Variants in GTF2E2 observed in about 807,000 individuals in gnomAD.
GTF2E2 encodes transcription initiation factor IIE subunit beta.
Under a neutral mutation model 40.5 loss-of-function variants are expected in GTF2E2, and 21 were observed. The ratio of observed to expected loss-of-function variants is 0.52; its 90% CI spans 0.37 to 0.75. GTF2E2 has a LOEUF of 0.75. GTF2E2 is among the 30% of genes least tolerant of loss of function. The probability of loss-of-function intolerance (pLI) is 0.00; values close to 1 mark genes in which losing one functional copy is unlikely to be tolerated. For missense variants in GTF2E2, 298 were observed against 338.4 expected, an observed-to-expected ratio of 0.88 and a Z score of 0.94; for synonymous variants, 117 against 121.6, an observed-to-expected ratio of 0.96 and a Z score of 0.25.
chr8:30,580,556 C>T lies in GTF2E2; in HGVS notation c.644-160G>A, dbSNP rs145220998. Among the ~76,000 whole-genome samples, 728 of 152,262 alleles carry T rather than the reference C, an allele frequency of 4.8e-3. 5 individuals are homozygous for T. Among genetic ancestry groups the T allele is most frequent in the African/African-American group, 0.016 (675 of 41,560 alleles). The stretch of plus-strand genomic sequence containing the variant: ...GGGCAGAACATCCACATGTGGGACA[C>T]GGTGCAGGGAAAGGCCTGGAGACAG... On this transcript the variant is annotated intron_variant, in intron 6 of 7. Coordinates refer to ENST00000355904, the MANE Select transcript of GTF2E2 (RefSeq NM_002095.6).
In GTF2E2 at chr8:30,656,208, A is replaced by G. The variant is rs543320115; in HGVS notation, c.-5+1765T>C. ...AATGAGGACGCTATGAAAGCTGTCC[A>G]CATCCAGCCCAATTGTAAGAATGAG... On this transcript the variant is annotated intron_variant, in intron 1 of 7. Coordinates refer to ENST00000355904, the MANE Select transcript of GTF2E2 (RefSeq NM_002095.6). Among the ~76,000 whole-genome samples the G allele has an allele frequency of 3.3e-5, 5 of 152,352 alleles. 1 individual carries two copies. The South Asian group carries it at 1.0e-3, about 32-fold the overall frequency.
intron 6 of GTF2E2, among the ~76,000 whole-genome samples, chr8:30,594,318 C>T (rs1430351479): frequency 2.6e-5 from 4 of 151,640 alleles, no homozygotes; most frequent in East Asian, 2.0e-4. Context: ...AATGCAATGG[C>T]GCGATCTCAG....
intron 1 of GTF2E2, 143 bp from the exon 2 acceptor site, chr8:30,653,745 T>G: frequency 1.6e-6 from 1 of 623,854 alleles, no homozygotes; most frequent in South Asian, 2.0e-5. Context: ...ATTCACTTAT[T>G]CAAGTACTCA....
At chr8:30,600,752 G>C (rs563079721) in intron 6 of GTF2E2, among the ~76,000 whole-genome samples, 1 of 152,290 alleles carries the variant, frequency 6.6e-6, no homozygotes, top group South Asian at 2.1e-4. Context: ...TGCCTGCCTA[G>C]GTCCAACTAC....
At chr8:30,627,047 C>A (rs1040768343) in intron 3 of GTF2E2, among the ~76,000 whole-genome samples, 1 of 152,034 alleles carries the variant, frequency 6.6e-6, no homozygotes, top group Non-Finnish European at 1.5e-5. Flanking sequence ...AGAATCACAC[C>A]ACTGATGGGA....
At chr8:30,653,189 G>C (rs962236762) in intron 2 of GTF2E2, among the ~76,000 whole-genome samples, 1 of 152,166 alleles carries the variant, frequency 6.6e-6, no homozygotes, top group Non-Finnish European at 1.5e-5. Flanking sequence ...TAAAATGAAT[G>C]AACTGTATGG....
chr8:30,606,693 A>G (rs1829323653), intron 6 of GTF2E2, among the ~76,000 whole-genome samples: 1 of 152,162 alleles, frequency 6.6e-6, no homozygotes, highest in Non-Finnish European at 1.5e-5. Flanking sequence ...AACACTATTC[A>G]CCAATAAAAG....
At chr8:30,616,688 A>T (rs1005316516) in intron 3 of GTF2E2, among the ~76,000 whole-genome samples, 6 of 152,102 alleles carry the variant, frequency 3.9e-5, no homozygotes, top group Non-Finnish European at 8.8e-5. Flanking sequence ...ATTGACTGTC[A>T]CAAATGTACT....
At chr8:30,646,622 TAAC>T (rs1202884614) in intron 2 of GTF2E2, among the ~76,000 whole-genome samples, 2 of 151,964 alleles carry the variant, frequency 1.3e-5, no homozygotes, top group Non-Finnish European at 2.9e-5. Context: ...TTACTCAAAA[TAAC>T]AAAAAATTGA....
Position 30,653,575 on chromosome 8 carries a change from TTCTC to T in GTF2E2, c.20_23del (p.Arg7LysfsTer14). On this transcript the variant is annotated frameshift_variant, in exon 2 of 8. Coordinates refer to ENST00000355904, the MANE Select transcript of GTF2E2 (RefSeq NM_002095.6). LOFTEE classifies it high-confidence loss of function. ...GAGCTCGTTTTTTGAACAGCTCCCT[TTCTC>T]TCAACAGGCTTGGATCCATAATGCT... is the stretch of plus-strand genomic sequence containing the variant. 6.2e-7 allele frequency: 1 copy of T among 1,613,240 alleles called. No individual in the cohort carries two copies. The highest frequency in any genetic ancestry group is 8.5e-7 in the Non-Finnish European group (1 of 1,179,528).
At chr8:30,606,002 A>G (rs1489910115) in intron 6 of GTF2E2, among the ~76,000 whole-genome samples, 1 of 152,232 alleles carries the variant, frequency 6.6e-6, no homozygotes, top group Non-Finnish European at 1.5e-5. Context: ...ATTAGCATAA[A>G]GGCAACATTG....
At chr8:30,583,592 C>T (rs995196034) in intron 6 of GTF2E2, among the ~76,000 whole-genome samples, 22 of 152,102 alleles carry the variant, frequency 1.4e-4, no homozygotes, top group Non-Finnish European at 2.5e-4. Context: ...GTTGCCAAGG[C>T]TGGTCTCGAA....
chr8:30,653,874 A>G (rs1360843203), intron 1 of GTF2E2, among the ~76,000 whole-genome samples: 1 of 152,138 alleles, frequency 6.6e-6, no homozygotes, highest in African/African-American at 2.4e-5. Context: ...AGACTGCCTG[A>G]GCCCAGGAGT....
At chr8:30,602,657 G>A (rs1829214115) in intron 6 of GTF2E2, among the ~76,000 whole-genome samples, 1 of 151,556 alleles carries the variant, frequency 6.6e-6, no homozygotes, top group South Asian at 2.1e-4. Flanking sequence ...GGGAGGCTGA[G>A]GCAGGAGAAT....
chr8:30,634,884 T>C (rs1043355573), intron 3 of GTF2E2, 148 bp downstream of exon 3: 12 of 588,606 alleles, frequency 2.0e-5, no homozygotes, highest in Non-Finnish European at 3.3e-5. Flanking sequence ...GCTTGAGGTA[T>C]AATTGGCATA....
chr8:30,581,703 C>T (rs1313011027), intron 6 of GTF2E2, among the ~76,000 whole-genome samples: 1 of 152,218 alleles, frequency 6.6e-6, no homozygotes, highest in East Asian at 1.9e-4. Flanking sequence ...CATCTGCACA[C>T]ATTATGGACA....
At chr8:30,652,153 G>C (rs1469105906) in intron 2 of GTF2E2, among the ~76,000 whole-genome samples, 3 of 152,248 alleles carry the variant, frequency 2.0e-5, no homozygotes, top group South Asian at 4.1e-4. Flanking sequence ...TTCATGACCT[G>C]TGTCAGGCAA....
chr8:30,614,502 C>T, intron 4 of GTF2E2, 106 bp downstream of exon 4: 1 of 625,066 alleles, frequency 1.6e-6, no homozygotes, highest in Non-Finnish European at 2.8e-6. Flanking sequence ...GGGCTGAGAT[C>T]ATGCCACTGC....
chr8:30,655,424 AAAT>A (rs1802420799), intron 1 of GTF2E2, among the ~76,000 whole-genome samples: 1 of 143,002 alleles, frequency 7.0e-6, no homozygotes, highest in Non-Finnish European at 1.6e-5. Flanking sequence ...CTGACTATAT[AAAT>A]GAATTTGACA....
Sources: gnomAD v4.1 joint callset for allele counts (sites outside exome capture counted in the v4.1 genomes callset) on GRCh38, gnomAD v4.1.1 for gene constraint, MANE v1.5 for transcripts, NCBI Gene and HGNC (gene_info 2026-07-23, HGNC 2026-07-21) for gene names.